The following GABRA5 variants were observed in gnomAD, a reference collection of about 807,000 sequenced individuals.
The protein encoded by GABRA5 is gamma-aminobutyric acid type A receptor subunit alpha5.
GABRA5 carries 18 observed loss-of-function variants against 47.3 expected under a neutral mutation model. The observed-to-expected ratio is 0.38, with a 90% CI of 0.26 to 0.56. The LOEUF (loss-of-function observed/expected upper bound fraction) is 0.56, where lower values mean the gene tolerates loss of function less well. Ranked by LOEUF, GABRA5 falls within the 20% of genes least tolerant of loss-of-function variation. The pLI, the probability that GABRA5 is intolerant of heterozygous loss-of-function variation, is 0.71. For synonymous variants in GABRA5, 237 were observed against 229.3 expected, an observed-to-expected ratio of 1.03 and a Z score of -0.30; for missense variants, 365 against 599.3, an observed-to-expected ratio of 0.61 and a Z score of 4.08.
chr15:26,893,533 C>T (rs915597431), intron 6 of GABRA5, among the ~76,000 whole-genome samples: 1 of 74,282 alleles, frequency 1.3e-5, no homozygotes, highest in African/African-American at 4.9e-5. Context: ...CTGATGGGAG[C>T]AGCGGTGGGG....
intron 4 of GABRA5, 99 bp downstream of exon 4, chr15:26,881,066 G>C: frequency 7.5e-7 from 1 of 1,339,016 alleles, no homozygotes; most frequent in Non-Finnish European, 1.0e-6. Flanking sequence ...ATTCCTAAAA[G>C]AGCTTCCCTG....
intron 9 of GABRA5, 148 bp from the exon 10 acceptor site, chr15:26,943,067 G>C (rs1050857164): frequency 1.3e-4 from 83 of 638,868 alleles, no homozygotes; most frequent in Non-Finnish European, 2.9e-5. Flanking sequence ...CTGGGCGACA[G>C]AGCAAGACTC....
chr15:26,929,667 C>T (rs890311008), intron 7 of GABRA5, among the ~76,000 whole-genome samples: 6 of 152,190 alleles, frequency 3.9e-5, no homozygotes, highest in Admixed American at 6.5e-5. Flanking sequence ...CACACCAGGG[C>T]CCCCCAGAAC....
At chr15:26,878,738 G>C (rs999873470) in intron 3 of GABRA5, among the ~76,000 whole-genome samples, 1 of 152,226 alleles carries the variant, frequency 6.6e-6, no homozygotes, top group Non-Finnish European at 1.5e-5. Flanking sequence ...GTGTAATTAT[G>C]TGCAAATGTG....
chr15:26,940,005 A>G lies in GABRA5; in HGVS notation c.805A>G (p.Ile269Val). ...YFVIQTYLPC[I>V]MTVILSQVSF... ...TGTCATCCAGACCTACCTTCCCTGC[A>G]TAATGACCGTGATCTTATCACAGGT... is the stretch of plus-strand genomic sequence containing the variant. Residue 269 changes from isoleucine to valine, a missense_variant, in exon 9 of 11, where the codon ATA becomes GTA. Around this residue, in one of 3 missense-constraint regions of GABRA5, gnomAD observed 43 missense variants for 133.7 expected, o/e 0.32. Transcript: ENST00000335625. The G allele has an allele frequency of 1.2e-6, 2 of 1,614,026 alleles. No homozygotes were observed. The highest frequency in any genetic ancestry group is 1.7e-6 in the Non-Finnish European group (2 of 1,179,892).
chr15:26,866,881 A>C (rs1361685624), upstream of GABRA5: 2 of 152,370 alleles, frequency 1.3e-5, no homozygotes, highest in Non-Finnish European at 1.5e-5. Context: ...CCTGCTCTAC[A>C]AGCGGGCGGT....
intron 10 of GABRA5, among the ~76,000 whole-genome samples, chr15:26,946,264 A>G (rs1408366821): frequency 2.0e-5 from 3 of 152,168 alleles, no homozygotes; most frequent in African/African-American, 7.2e-5. Context: ...TAGTAGTGGA[A>G]CACAGGTTGT....
intron 7 of GABRA5, among the ~76,000 whole-genome samples, chr15:26,922,593 T>C (rs1026002358): frequency 5.3e-5 from 8 of 152,228 alleles, no homozygotes; most frequent in African/African-American, 1.9e-4. Flanking sequence ...GGCTTAAGTC[T>C]GCCATTTCTT....
At chr15:26,877,962 G>C (rs73363989) in intron 3 of GABRA5, among the ~76,000 whole-genome samples, 2,447 of 152,246 alleles carry the variant, frequency 0.016, 50 homozygotes, top group East Asian at 0.073. Flanking sequence ...TGAAGCACTC[G>C]TGGACTCTGG....
intron 6 of GABRA5, among the ~76,000 whole-genome samples, chr15:26,908,913 G>A (rs546571025): frequency 1.3e-5 from 2 of 152,330 alleles, no homozygotes; most frequent in South Asian, 4.1e-4. Flanking sequence ...TGTCACCTTT[G>A]TGAAAATGAT....
In GABRA5 at chr15:26,948,351, G is replaced by A; in HGVS notation, c.*118G>A. 2 of 900,968 alleles carry A rather than the reference G, an allele frequency of 2.2e-6. No homozygotes were observed. Among genetic ancestry groups the A allele is most frequent in the Non-Finnish European group, 3.3e-6 (2 of 598,932 alleles). The allele number at this position is 900,968 out of a possible 1,614,324, so 55.8% of individuals were successfully genotyped here. Reference sequence around the variant, plus strand: ...ACTATCTTTCAGGAAATTTTTGCATGTTTAATAATATGTACAAATAATATT... The same window carrying A: ...ACTATCTTTCAGGAAATTTTTGCATATTTAATAATATGTACAAATAATATT... On this transcript the variant is annotated 3_prime_UTR_variant, in exon 11 of 11. Transcript: ENST00000335625.
chr15:26,890,651 C>T (rs1166108591), intron 6 of GABRA5, among the ~76,000 whole-genome samples: 1 of 152,128 alleles, frequency 6.6e-6, no homozygotes, highest in Non-Finnish European at 1.5e-5. Context: ...CCTGCTGTGG[C>T]CCCACTGCCT....
intron 7 of GABRA5, among the ~76,000 whole-genome samples, chr15:26,930,249 C>T (rs1339099371): frequency 6.6e-6 from 1 of 152,002 alleles, no homozygotes; most frequent in Non-Finnish European, 1.5e-5. Context: ...CTCAGGTGAC[C>T]TGCCTGCCTC....
chr15:26,880,639 T>G, intron 3 of GABRA5: 1 of 456,772 alleles, frequency 2.2e-6, no homozygotes, highest in Non-Finnish European at 3.9e-6. Flanking sequence ...GGTGGTTGGA[T>G]AACTAGCCCC....
chr15:26,871,512 G>A (rs775697219), intron 3 of GABRA5, among the ~76,000 whole-genome samples: 5 of 152,042 alleles, frequency 3.3e-5, no homozygotes, highest in Admixed American at 2.0e-4. Flanking sequence ...TAGGTATATG[G>A]CCAGTAATCC....
chr15:26,895,412 T>C (rs1414529449), intron 6 of GABRA5, among the ~76,000 whole-genome samples: 1 of 152,074 alleles, frequency 6.6e-6, no homozygotes, highest in East Asian at 1.9e-4. Flanking sequence ...CTATTCTGCT[T>C]GGGGTGCAAT....
intron 10 of GABRA5, among the ~76,000 whole-genome samples, chr15:26,943,783 C>A (rs1268838617): frequency 1.3e-5 from 2 of 152,074 alleles, no homozygotes; most frequent in Non-Finnish European, 2.9e-5. Flanking sequence ...GCCCTCAGGT[C>A]GAGAAGGGGG....
At chr15:26,890,337 C>T (rs993649095) in intron 6 of GABRA5, among the ~76,000 whole-genome samples, 2 of 151,814 alleles carry the variant, frequency 1.3e-5, no homozygotes, top group East Asian at 1.9e-4. Context: ...CATGAAATTT[C>T]TGCCCATTTT....
At position 26,883,575 on chromosome 15, in the gene GABRA5, GC is replaced by G; in HGVS notation, c.497+19del. 2 of 1,521,232 alleles carry G rather than the reference GC, an allele frequency of 1.3e-6. No homozygotes were observed. Among genetic ancestry groups the G allele is most frequent in the Non-Finnish European group, 1.8e-6 (2 of 1,119,816 alleles). 94.2% of individuals were successfully genotyped at this position (1,521,232 alleles called of 1,614,324 possible). A position where few individuals can be genotyped will look rare whatever the true frequency, so the allele number is the denominator to read the frequency against. Reference sequence around the variant, plus strand: ...ACCATGCGGTGAGCGCCGGGCGGGGGCGGGCGGGGCCGGGGGACGGTGCGGG... The same window carrying G: ...ACCATGCGGTGAGCGCCGGGCGGGGGGGGCGGGGCCGGGGGACGGTGCGGG... On this transcript the variant is annotated intron_variant, in intron 6 of 10. Coordinates refer to ENST00000335625, the MANE Select transcript of GABRA5 (RefSeq NM_000810.4). This position sits in a 1 kb window ranked among gnomAD's most constrained non-coding sequence, Gnocchi z 4.8.
Sources: gnomAD v4.1 joint callset for allele counts (sites outside exome capture counted in the v4.1 genomes callset) on GRCh38, gnomAD v4.1.1 for gene constraint, gnomAD v4.1.1 regional missense constraint, Gnocchi (gnomAD v3.1) non-coding constraint, MANE v1.5 for transcripts, NCBI Gene and HGNC (gene_info 2026-07-23, HGNC 2026-07-21) for gene names.